MYO1D: variants seen among roughly 807,000 people sequenced by gnomAD.
MYO1D encodes unconventional myosin-Id.
In MYO1D, 83 loss-of-function variants were observed where a neutral mutation model predicts 122.0. The observed-to-expected ratio is 0.68, with a 90% CI of 0.57 to 0.82. MYO1D has a LOEUF of 0.82. Ranked by LOEUF, MYO1D falls within the 40% of genes least tolerant of loss-of-function variation. The pLI, the probability that MYO1D is intolerant of heterozygous loss-of-function variation, is 0.00. For synonymous variants in MYO1D, 464 were observed against 446.9 expected, an observed-to-expected ratio of 1.04 and a Z score of -0.48; for missense variants, 1,157 against 1,269.5, an observed-to-expected ratio of 0.91 and a Z score of 1.35.
chr17:32,855,241 C>T lies in MYO1D; in HGVS notation c.95+21537G>A, dbSNP rs116677103. Among the ~76,000 whole-genome samples the T allele has an allele frequency of 5.7e-3, 863 of 152,194 alleles. 11 individuals are homozygous for T. Among genetic ancestry groups the T allele is most frequent in the African/African-American group, 0.02 (821 of 41,504 alleles). ...TATAACATTCATACATAAGAATGTA[C>T]ACATCTTTAGTACACGTAACCACTG... On this transcript the variant is annotated intron_variant, in intron 1 of 21. Transcript: ENST00000318217.
chr17:32,806,184 G>A (rs1479103151), intron 1 of MYO1D, among the ~76,000 whole-genome samples: 1 of 152,144 alleles, frequency 6.6e-6, no homozygotes, highest in Non-Finnish European at 1.5e-5. Context: ...CTTGAACTCA[G>A]GAGGCGGAGG....
chr17:32,651,546 G>A (rs188904358), intron 19 of MYO1D, among the ~76,000 whole-genome samples: 3 of 152,244 alleles, frequency 2.0e-5, no homozygotes, highest in Admixed American at 1.3e-4. Flanking sequence ...AAATTGCAGG[G>A]CTCATCACCT....
At chr17:32,635,671 T>C (rs529494104) in intron 20 of MYO1D, among the ~76,000 whole-genome samples, 61 of 151,660 alleles carry the variant, frequency 4.0e-4, no homozygotes, top group African/African-American at 1.4e-3. Context: ...CCAGTCTGGG[T>C]GACAGAGCAA....
At chr17:32,699,096 C>G (rs1281939953) in intron 16 of MYO1D, among the ~76,000 whole-genome samples, 1 of 152,062 alleles carries the variant, frequency 6.6e-6, no homozygotes, top group African/African-American at 2.4e-5. Context: ...GCCTGAATAG[C>G]TGGGATTACA....
In MYO1D at chr17:32,641,608, T is replaced by A. The variant is rs1046791005; in HGVS notation, c.2596-2773A>T. On this transcript the variant is annotated intron_variant, in intron 19 of 21. Transcript: ENST00000318217. Reference sequence around the variant, plus strand: ...TCTCCAGCACCTGTTGTTTCCTGACTTTTTAATGATCGCCATTCTAACTTG... The same window carrying A: ...TCTCCAGCACCTGTTGTTTCCTGACATTTTAATGATCGCCATTCTAACTTG... Among the ~76,000 whole-genome samples, 5 of 152,226 alleles carry A rather than the reference T, an allele frequency of 3.3e-5. No individual in the cohort carries two copies. In the East Asian group the frequency reaches 5.8e-4, roughly 18 times the overall value.
intron 11 of MYO1D, 115 bp from the exon 12 acceptor site, chr17:32,749,121 T>C: frequency 1.1e-6 from 1 of 924,394 alleles, no homozygotes; most frequent in Non-Finnish European, 1.7e-6. Flanking sequence ...TCACATTGTG[T>C]GGGGCTTGAT....
chr17:32,825,379 C>T (rs1485345073), intron 1 of MYO1D, among the ~76,000 whole-genome samples: 1 of 152,140 alleles, frequency 6.6e-6, no homozygotes, highest in South Asian at 2.1e-4. Flanking sequence ...GCAGCCTTAA[C>T]TTCCCAGGAT....
At chr17:32,866,053 T>C (rs2091121534) in intron 1 of MYO1D, among the ~76,000 whole-genome samples, 1 of 152,224 alleles carries the variant, frequency 6.6e-6, no homozygotes, top group Admixed American at 6.5e-5. Context: ...TATCACTATA[T>C]TGCCTAGGCT....
chr17:32,771,234 A>T lies in MYO1D; in HGVS notation c.619-14T>A. ...TCCTTGGAGTAGCTGAAAAATATTT[A>T]ATTAGAAATAAATTGGCCAGACATA... On this transcript the variant is annotated splice_polypyrimidine_tract_variant and intron_variant, in intron 5 of 21. Coordinates refer to ENST00000318217, the MANE Select transcript of MYO1D (RefSeq NM_015194.3). The T allele has an allele frequency of 6.4e-7, 1 of 1,566,826 alleles. No individual in the cohort carries two copies. The highest frequency in any genetic ancestry group is 8.8e-7 in the Non-Finnish European group (1 of 1,139,966).
intron 19 of MYO1D, among the ~76,000 whole-genome samples, chr17:32,639,832 G>A (rs2088168911): frequency 6.6e-6 from 1 of 152,072 alleles, no homozygotes; most frequent in Non-Finnish European, 1.5e-5. Flanking sequence ...TCCTCAACTA[G>A]AAAAGAAGGC....
Position 32,630,808 on chromosome 17 carries a change from C to T in MYO1D, c.2709+7914G>A, listed in dbSNP as rs372644439. 5.1e-4 allele frequency among the ~76,000 whole-genome samples: 77 copies of T among 152,126 alleles called. 1 individual carries two copies. Among genetic ancestry groups the T allele is most frequent in the African/African-American group, 1.7e-3 (72 of 41,502 alleles). On this transcript the variant is annotated intron_variant, in intron 20 of 21. Coordinates refer to ENST00000318217, the MANE Select transcript of MYO1D (RefSeq NM_015194.3). Reference sequence around the variant, plus strand: ...CAGGATGGTCTCAATCTCCTGACCTCGTGATCCACCCGCCTCAGCCTCTCA... The same window carrying T: ...CAGGATGGTCTCAATCTCCTGACCTTGTGATCCACCCGCCTCAGCCTCTCA...
chr17:32,560,241 TGA>T (rs2087106819), intron 21 of MYO1D, among the ~76,000 whole-genome samples: 1 of 151,832 alleles, frequency 6.6e-6, no homozygotes, highest in Admixed American at 6.6e-5. Context: ...GGCGACAGAA[TGA>T]GACTCCATCT....
chr17:32,683,794 T>C (rs1298313881), intron 16 of MYO1D, among the ~76,000 whole-genome samples: 11 of 152,216 alleles, frequency 7.2e-5, no homozygotes, highest in Admixed American at 7.2e-4. Flanking sequence ...GCTTCCCGGC[T>C]GCTTTGTTTA....
intron 1 of MYO1D, among the ~76,000 whole-genome samples, chr17:32,866,214 G>A (rs1598166949): frequency 6.6e-6 from 1 of 152,000 alleles, no homozygotes; most frequent in Non-Finnish European, 1.5e-5. Context: ...CAAATGTTAG[G>A]GCCACAGTAT....
chr17:32,821,567 C>CACACACACA (rs947170688), intron 1 of MYO1D, among the ~76,000 whole-genome samples: 1 of 151,820 alleles, frequency 6.6e-6, no homozygotes, highest in African/African-American at 2.4e-5. Context: ...CACACACACA[C>CACACACACA]ATCTTTGACT....
intron 1 of MYO1D, among the ~76,000 whole-genome samples, chr17:32,819,640 T>C (rs1458650880): frequency 6.6e-6 from 1 of 152,222 alleles, no homozygotes; most frequent in Non-Finnish European, 1.5e-5. Flanking sequence ...CACTGTTCTA[T>C]CTCATGACAC....
chr17:32,770,604 C>A (rs1339746890), intron 6 of MYO1D, among the ~76,000 whole-genome samples: 1 of 151,884 alleles, frequency 6.6e-6, no homozygotes, highest in Non-Finnish European at 1.5e-5. Flanking sequence ...TAAGTGTATG[C>A]AAGTGCTTGC....
chr17:32,518,610 C>T (rs573187634), intron 21 of MYO1D: 2 of 152,360 alleles, frequency 1.3e-5, no homozygotes, highest in East Asian at 3.9e-4. Flanking sequence ...ACCACAGTCC[C>T]ACTTAGGGTG....
chr17:32,678,038 A>C (rs924483373), intron 16 of MYO1D, among the ~76,000 whole-genome samples: 1 of 152,202 alleles, frequency 6.6e-6, no homozygotes, highest in African/African-American at 2.4e-5. Flanking sequence ...TAATAGCATC[A>C]AAAAGTGACA....
Sources: gnomAD v4.1 joint callset for allele counts (sites outside exome capture counted in the v4.1 genomes callset) on GRCh38, gnomAD v4.1.1 for gene constraint, MANE v1.5 for transcripts, NCBI Gene and HGNC (gene_info 2026-07-23, HGNC 2026-07-21) for gene names.